Variants in NUP210L observed in about 807,000 individuals in gnomAD.
NUP210L encodes the protein nucleoporin 210 like.
In NUP210L, 74 loss-of-function variants were observed where a neutral mutation model predicts 208.5. The ratio of observed to expected loss-of-function variants is 0.35; its 90% CI spans 0.29 to 0.43. The LOEUF (loss-of-function observed/expected upper bound fraction) is 0.43. Ranked by LOEUF, NUP210L falls within the 20% of genes least tolerant of loss-of-function variation. NUP210L has a pLI of 1.00. For missense variants in NUP210L, 1,843 were observed against 2,289.4 expected, an observed-to-expected ratio of 0.81 and a Z score of 3.98; for synonymous variants, 780 against 816.9, an observed-to-expected ratio of 0.95 and a Z score of 0.77.
At chr1:153,995,965 T>C (rs115582068) in intron 37 of NUP210L, 5,240 of 426,472 alleles carry the variant, frequency 0.012, 54 homozygotes, top group Non-Finnish European at 0.016. Context: ...AAATAAAAAA[T>C]GAAACTTTTG....
intron 33 of NUP210L, among the ~76,000 whole-genome samples, chr1:154,013,505 C>T (rs1410059950): frequency 6.6e-6 from 1 of 151,892 alleles, no homozygotes; most frequent in Non-Finnish European, 1.5e-5. Flanking sequence ...ACTCGGGAGG[C>T]GGAGTCTGCA....
At chr1:153,995,026 A>AT (rs2147875587) in intron 38 of NUP210L, 50 bp downstream of exon 38, 3 of 1,233,726 alleles carry the variant, frequency 2.4e-6, no homozygotes, top group Admixed American at 2.2e-5. Flanking sequence ...AAAAAAAAAA[A>AT]AAGGCAGTTT....
At chr1:154,115,884 CG>C (rs1657294315) in intron 12 of NUP210L, among the ~76,000 whole-genome samples, 1 of 151,708 alleles carries the variant, frequency 6.6e-6, no homozygotes, top group South Asian at 2.1e-4. Context: ...TATGGAAGGC[CG>C]GGGTGGGCGG....
chr1:154,001,167 T>C, intron 36 of NUP210L, 107 bp from the exon 37 acceptor site: 1 of 910,914 alleles, frequency 1.1e-6, no homozygotes, highest in Non-Finnish European at 1.7e-6. Flanking sequence ...AGATCTGGAT[T>C]TCTAGCTAGC....
At chr1:154,024,035 C>T (rs749429082) in intron 30 of NUP210L, among the ~76,000 whole-genome samples, 2 of 152,042 alleles carry the variant, frequency 1.3e-5, no homozygotes, top group Admixed American at 1.3e-4. Context: ...GTGATCCACC[C>T]GGCTCGGCCT....
chr1:154,109,612 AGTAT>A (rs1450207114), intron 12 of NUP210L, among the ~76,000 whole-genome samples: 32 of 151,748 alleles, frequency 2.1e-4, no homozygotes, highest in Admixed American at 1.5e-3. Context: ...AGCAAGAATG[AGTAT>A]TCTTGATCAT....
chr1:154,073,955 G>A (rs1001539577), intron 16 of NUP210L, among the ~76,000 whole-genome samples: 17 of 151,758 alleles, frequency 1.1e-4, no homozygotes, highest in African/African-American at 3.6e-4. Context: ...ACCTGAAATC[G>A]GCCATGATGG....
chr1:154,087,857 A>T (rs900572469), intron 16 of NUP210L, among the ~76,000 whole-genome samples: 2 of 152,214 alleles, frequency 1.3e-5, no homozygotes, highest in Non-Finnish European at 2.9e-5. Flanking sequence ...GTATTATTCC[A>T]TTCATATGAA....
At chr1:153,995,241 A>G in intron 37 of NUP210L, 61 bp from the exon 38 acceptor site, 4 of 1,202,190 alleles carry the variant, frequency 3.3e-6, no homozygotes, top group Non-Finnish European at 4.9e-6. Flanking sequence ...CAGATGCTGC[A>G]TTTTTTAAAT....
chr1:154,022,058 T>G, intron 32 of NUP210L, 68 bp downstream of exon 32: 1 of 1,373,542 alleles, frequency 7.3e-7, no homozygotes, highest in Non-Finnish European at 1.0e-6. Flanking sequence ...CTGCTTTTTT[T>G]TTTAATAACT....
At chr1:154,063,188 GAGCACAT>G (rs1444871271) in intron 17 of NUP210L, among the ~76,000 whole-genome samples, 1 of 152,170 alleles carries the variant, frequency 6.6e-6, no homozygotes, top group Non-Finnish European at 1.5e-5. Flanking sequence ...AGTACGTACA[GAGCACAT>G]ATAGTATATA....
At chr1:154,013,207 A>AT (rs1651047263) in intron 33 of NUP210L, among the ~76,000 whole-genome samples, 1 of 151,732 alleles carries the variant, frequency 6.6e-6, no homozygotes. Flanking sequence ...CCAAAATAAC[A>AT]TTTTTTCTAG....
At chr1:154,046,126 T>C (rs758237650) in exon 27 of NUP210L, 1 of 1,614,184 alleles carries the variant, frequency 6.2e-7, no homozygotes, top group Non-Finnish European at 8.5e-7. Context: ...ACCAGTGGAA[T>C]GTGAGCCCAG....
At chr1:154,136,388 G>A (rs558716361) in intron 6 of NUP210L, among the ~76,000 whole-genome samples, 1 of 152,158 alleles carries the variant, frequency 6.6e-6, no homozygotes, top group African/African-American at 2.4e-5. Flanking sequence ...GGAGGTGGAG[G>A]TTGCAGTGAG....
intron 7 of NUP210L, 36 bp downstream of exon 7, chr1:154,135,778 T>C (rs1399891572): frequency 1.9e-6 from 3 of 1,571,594 alleles, no homozygotes; most frequent in African/African-American, 1.4e-5. Context: ...CTCAAGGAAG[T>C]GTAGACTGGC....
At chr1:154,055,171 CT>C (rs1350938703) in intron 23 of NUP210L, among the ~76,000 whole-genome samples, 3 of 116,384 alleles carry the variant, frequency 2.6e-5, no homozygotes, top group Admixed American at 9.8e-5. Flanking sequence ...TTCTTTCTTT[CT>C]TTCTTTCTTT....
chr1:154,046,429 A>C (rs924647342), intron 25 of NUP210L, 60 bp from the exon 26 acceptor site: 3 of 1,380,972 alleles, frequency 2.2e-6, no homozygotes, highest in Non-Finnish European at 3.1e-6. Flanking sequence ...GGGTGGACAG[A>C]GATGCTTTTG....
exon 3 of NUP210L, chr1:154,143,541 T>A (rs766056859): frequency 6.2e-7 from 1 of 1,613,980 alleles, no homozygotes. Flanking sequence ...GTTTATCACA[T>A]CAACCTTAAC....
intron 28 of NUP210L, among the ~76,000 whole-genome samples, chr1:154,027,830 C>A (rs1392677323): frequency 6.6e-6 from 1 of 152,092 alleles, no homozygotes; most frequent in Non-Finnish European, 1.5e-5. Flanking sequence ...TAATGTTAGC[C>A]CTGTTTCTGA....
Sources: allele counts gnomAD v4.1 joint callset (sites outside exome capture counted in the v4.1 genomes callset), GRCh38; gene constraint gnomAD v4.1.1; transcripts MANE v1.5; gene names NCBI Gene and HGNC (gene_info 2026-07-23, HGNC 2026-07-21).